Variants in BCAS3 observed in about 807,000 individuals in gnomAD.
BCAS3 encodes BCAS3 microtubule associated cell migration factor, also known as BCAS4/BCAS3 fusion.
Under a neutral mutation model 116.1 loss-of-function variants are expected in BCAS3, and 53 were observed. The observed-to-expected ratio is 0.46, with a 90% CI of 0.37 to 0.57. The LOEUF (loss-of-function observed/expected upper bound fraction) is 0.57, where lower values mean the gene tolerates loss of function less well. Among genes scored for constraint, BCAS3 ranks in the 20% least tolerant of loss-of-function variants. BCAS3 has a pLI of 0.00. For synonymous variants in BCAS3, 391 were observed against 408.2 expected (o/e 0.96, Z 0.51); for missense variants, 917 against 1,165.4 (o/e 0.79, Z 3.10).
At chr17:60,842,648 CATCT>C (rs2052059548) in intron 7 of BCAS3, among the ~76,000 whole-genome samples, 1 of 152,078 alleles carries the variant, frequency 6.6e-6, no homozygotes, top group Admixed American at 6.6e-5. Flanking sequence ...TTTATATTCT[CATCT>C]AAGTAAGCAG....
In BCAS3 at chr17:61,356,082, C is replaced by T. The variant is rs998056944; in HGVS notation, c.2426-12245C>T. On this transcript the variant is annotated intron_variant, in intron 22 of 23. Coordinates refer to ENST00000407086, the MANE Select transcript of BCAS3 (RefSeq NM_017679.5). This position sits in a 1 kb window ranked among gnomAD's most constrained non-coding sequence, Gnocchi z 5.4. The stretch of plus-strand genomic sequence containing the variant: ...CAATCTCGGCCCACTGCAACCTCCG[C>T]CTCCCGGGTTCAAGTGATTCTCCTG... Among the ~76,000 whole-genome samples the T allele has an allele frequency of 3.9e-5, 6 of 152,220 alleles. No homozygotes were observed. The highest frequency in any genetic ancestry group is 1.4e-4 in the African/African-American group (6 of 41,452).
At chr17:60,836,409 G>A (rs2051379998) in intron 7 of BCAS3, among the ~76,000 whole-genome samples, 1 of 151,988 alleles carries the variant, frequency 6.6e-6, no homozygotes. Context: ...TCTGCCCTCC[G>A]GAAGCTTATA....
chr17:61,236,711 G>T (rs891110360), intron 22 of BCAS3, among the ~76,000 whole-genome samples: 2 of 151,936 alleles, frequency 1.3e-5, no homozygotes, highest in Admixed American at 1.3e-4. Context: ...GTATAAAGTA[G>T]TCAATTGTAA....
chr17:60,957,067 T>G (rs1255136813), intron 14 of BCAS3, among the ~76,000 whole-genome samples: 3 of 152,206 alleles, frequency 2.0e-5, no homozygotes, highest in Non-Finnish European at 4.4e-5. Context: ...AAAGCACATA[T>G]GCAGTAAGAA....
chr17:60,787,955 T>C (rs1230502052), intron 6 of BCAS3, among the ~76,000 whole-genome samples: 2 of 151,142 alleles, frequency 1.3e-5, no homozygotes, highest in African/African-American at 2.4e-5. Context: ...AAAAAAAAGA[T>C]GAATGGTTTC....
At chr17:61,342,801 G>A (rs2057260695) in intron 22 of BCAS3, among the ~76,000 whole-genome samples, 1 of 151,484 alleles carries the variant, frequency 6.6e-6, no homozygotes, top group Admixed American at 6.6e-5. Context: ...GCCCAGGCTG[G>A]AGTATAGTGG....
chr17:61,299,883 G>T (rs1406335740), intron 22 of BCAS3, among the ~76,000 whole-genome samples: 1 of 152,162 alleles, frequency 6.6e-6, no homozygotes, highest in Non-Finnish European at 1.5e-5. Context: ...ATTATGACAG[G>T]TTTTAAAAAA....
rs533267391 is a variant in BCAS3 at position 61,028,524 on chromosome 17, C to T, written c.1638-6142C>T. On this transcript the variant is annotated intron_variant, in intron 16 of 23. Transcript: ENST00000407086. This position sits in a 1 kb window ranked among gnomAD's most constrained non-coding sequence, Gnocchi z 4.3. ...AAATTCCATTTTAGGATAAATTCTT[C>T]TTCTAAGTACAAAGCAAAGAGTTGT... Among the ~76,000 whole-genome samples, 6 of 151,894 alleles carry T rather than the reference C, an allele frequency of 4.0e-5. No homozygotes were observed. The highest frequency in any genetic ancestry group is 1.4e-4 in the African/African-American group (6 of 41,514).
At chr17:60,722,615 G>A (rs982960973) in intron 5 of BCAS3, among the ~76,000 whole-genome samples, 58 of 152,108 alleles carry the variant, frequency 3.8e-4, no homozygotes, top group African/African-American at 1.3e-3. Context: ...ACAAAAAGTA[G>A]GCAGGCATGG....
rs1218816605 is a variant in BCAS3, at chr17:61,388,888, C to G, written c.2594-3089C>G. The G allele has an allele frequency of 3.3e-6, 2 of 602,512 alleles. No homozygotes were observed. The highest frequency in any genetic ancestry group is 2.2e-5 in the South Asian group (1 of 45,116). The allele number at this position is 602,512 out of a possible 1,614,324, so 37.3% of individuals were successfully genotyped here. A position where few individuals can be genotyped will look rare whatever the true frequency, so the allele number is the denominator to read the frequency against. On this transcript the variant is annotated intron_variant, in intron 23 of 23. Transcript: ENST00000407086. This position sits in a 1 kb window ranked among gnomAD's most constrained non-coding sequence, Gnocchi z 6.5. The stretch of plus-strand genomic sequence containing the variant: ...GAGAAAAGCGCCCACAAAGCTGCCC[C>G]GGGGCCAGCAGGCCCCCGATTCTTT...
chr17:61,238,224 C>CG (rs1193370938), intron 22 of BCAS3, among the ~76,000 whole-genome samples: 1 of 41,646 alleles, frequency 2.4e-5, no homozygotes, highest in African/African-American at 6.6e-5. Context: ...GGCAGTTTTT[C>CG]GGGTTTTTTT....
intron 19 of BCAS3, among the ~76,000 whole-genome samples, chr17:61,045,687 G>A (rs1352231430): frequency 4.9e-5 from 7 of 142,922 alleles, no homozygotes; most frequent in South Asian, 2.2e-4. Context: ...GTGGTGGCGC[G>A]CACCTGTAAT....
intron 22 of BCAS3, among the ~76,000 whole-genome samples, chr17:61,165,808 G>T (rs539713289): frequency 6.6e-6 from 1 of 151,864 alleles, no homozygotes; most frequent in African/African-American, 2.4e-5. Flanking sequence ...AATTTCTAGC[G>T]GACTCTTCAC....
At position 61,145,684 on chromosome 17, in the gene BCAS3, A is replaced by T. The variant is rs775960444; in HGVS notation, c.2425+61120A>T. Reference sequence around the variant, plus strand: ...ACAAATATCCCTCCCCTTTTTACTTAAGCTGAAAAAGAATATAAAAATTAA... The same window carrying T: ...ACAAATATCCCTCCCCTTTTTACTTTAGCTGAAAAAGAATATAAAAATTAA... On this transcript the variant is annotated intron_variant, in intron 22 of 23. Coordinates refer to ENST00000407086, the MANE Select transcript of BCAS3 (RefSeq NM_017679.5). The surrounding 1 kb of genome is among the most constrained non-coding windows in gnomAD (Gnocchi z 5.0). Among the ~76,000 whole-genome samples the T allele has an allele frequency of 1.3e-5, 2 of 152,160 alleles. No homozygotes were observed. Among genetic ancestry groups the T allele is most frequent in the Non-Finnish European group, 2.9e-5 (2 of 68,030 alleles).
At chr17:60,909,445 C>T (rs1406980466) in intron 11 of BCAS3, among the ~76,000 whole-genome samples, 1 of 151,918 alleles carries the variant, frequency 6.6e-6, no homozygotes, top group Non-Finnish European at 1.5e-5. Context: ...AGATAGTCAC[C>T]TCATTGAAGA....
At chr17:60,799,128 CTTT>C (rs989680254) in intron 6 of BCAS3, among the ~76,000 whole-genome samples, 1 of 152,044 alleles carries the variant, frequency 6.6e-6, no homozygotes, top group African/African-American at 2.4e-5. Context: ...TTTACTTTTA[CTTT>C]TTACATGTAC....
At chr17:61,135,306 A>T (rs892048657) in intron 22 of BCAS3, among the ~76,000 whole-genome samples, 7 of 152,248 alleles carry the variant, frequency 4.6e-5, no homozygotes, top group African/African-American at 1.4e-4. Context: ...ATCAAATTAC[A>T]TCAGTGTCAA....
chr17:60,757,392 A>G (rs962408878), intron 6 of BCAS3, among the ~76,000 whole-genome samples: 5 of 132,696 alleles, frequency 3.8e-5, no homozygotes, highest in African/African-American at 6.8e-5. Flanking sequence ...GCCAGCATGT[A>G]TATGTGTGTG....
At chr17:60,832,429 G>T (rs1454697069) in intron 7 of BCAS3, among the ~76,000 whole-genome samples, 1 of 151,998 alleles carries the variant, frequency 6.6e-6, no homozygotes, top group East Asian at 1.9e-4. Context: ...ATTGTGACAG[G>T]ATTTAAAAAA....
Sources: allele counts gnomAD v4.1 joint callset (sites outside exome capture counted in the v4.1 genomes callset), GRCh38; gene constraint gnomAD v4.1.1; non-coding constraint Gnocchi (gnomAD v3.1); transcripts MANE v1.5; gene names NCBI Gene and HGNC (gene_info 2026-07-23, HGNC 2026-07-21).